Variants in CFI observed in about 807,000 individuals in gnomAD.
The protein encoded by CFI is complement factor I.
In CFI, 66 loss-of-function variants were observed where a neutral mutation model predicts 78.8. The observed-to-expected ratio is 0.84, with a 90% CI of 0.69 to 1.03. CFI has a LOEUF of 1.03. Ranked by LOEUF, CFI falls within the 50% of genes least tolerant of loss-of-function variation. CFI has a pLI of 0.00. For missense variants in CFI, 706 were observed against 704.5 expected, an observed-to-expected ratio of 1.00 and a Z score of -0.02; for synonymous variants, 250 against 232.6, an observed-to-expected ratio of 1.07 and a Z score of -0.68.
chr4:109,787,852 T>C lies in CFI; in HGVS notation c.57+14063A>G, dbSNP rs1730937789. Among the ~76,000 whole-genome samples the C allele has an allele frequency of 4.6e-5, 7 of 152,038 alleles. No homozygotes were observed. In the South Asian group the frequency reaches 1.4e-3, roughly 31 times the overall value. ...ATAATGAATGTAAGATGGCTAAAAT[T>C]TTGTCTATTTTTTAAATTTTTAATA... On this transcript the variant is annotated intron_variant, in intron 1 of 12. Transcript: ENST00000394634.
intron 1 of CFI, among the ~76,000 whole-genome samples, chr4:109,770,842 C>A (rs1728494664): frequency 6.6e-6 from 1 of 152,094 alleles, no homozygotes; most frequent in Non-Finnish European, 1.5e-5. Context: ...GAAAGCTAAG[C>A]CCCACAGAAC....
rs111403504 is a variant in CFI at position 109,760,759 on chromosome 4, G to A, written c.659-123C>T. 598 of 703,996 alleles carry A rather than the reference G, an allele frequency of 8.5e-4. 2 individuals carry two copies. The highest frequency in any genetic ancestry group is 7.8e-3 in the African/African-American group (443 of 57,042). 43.6% of individuals were successfully genotyped at this position (703,996 alleles called of 1,614,324 possible). On this transcript the variant is annotated intron_variant, in intron 4 of 12. Transcript: ENST00000394634. ...TAAACTTCAAAAAAATGTATAAAAC[G>A]TATTGGTATTATCAACATAGTACAT...
intron 1 of CFI, among the ~76,000 whole-genome samples, chr4:109,801,623 GGTA>G (rs1732781058): frequency 6.6e-6 from 1 of 152,074 alleles, no homozygotes. Context: ...GGAGGAGCCT[GGTA>G]AATATTTTTG....
chr4:109,762,941 A>G (rs1561304220), intron 3 of CFI, among the ~76,000 whole-genome samples: 1 of 152,216 alleles, frequency 6.6e-6, no homozygotes, highest in Non-Finnish European at 1.5e-5. Context: ...ATCTACCAGT[A>G]GGTTGAACCA....
At chr4:109,783,370 G>A (rs1478544834) in intron 1 of CFI, among the ~76,000 whole-genome samples, 1 of 152,068 alleles carries the variant, frequency 6.6e-6, no homozygotes, top group East Asian at 1.9e-4. Flanking sequence ...TAGGGACATG[G>A]ATAGACAATT....
chr4:109,796,672 C>G (rs887238615), intron 1 of CFI, among the ~76,000 whole-genome samples: 3 of 152,108 alleles, frequency 2.0e-5, no homozygotes, highest in Non-Finnish European at 4.4e-5. Flanking sequence ...GTAGTGCACA[C>G]CTTTGGTCAT....
intron 1 of CFI, among the ~76,000 whole-genome samples, chr4:109,799,976 AC>A (rs1732555756): frequency 6.6e-6 from 1 of 152,104 alleles, no homozygotes; most frequent in Non-Finnish European, 1.5e-5. Flanking sequence ...GGTGCTATAA[AC>A]CTTTGACTGT....
downstream of CFI, among the ~76,000 whole-genome samples, chr4:109,739,656 G>A (rs2126176531): frequency 2.0e-5 from 3 of 152,244 alleles, 1 homozygote; most frequent in South Asian, 2.1e-4. Flanking sequence ...GTGTTCAGTG[G>A]CATATACTAA....
intron 1 of CFI, among the ~76,000 whole-genome samples, chr4:109,777,279 A>C (rs1157607201): frequency 6.6e-6 from 1 of 152,192 alleles, no homozygotes; most frequent in Non-Finnish European, 1.5e-5. Flanking sequence ...ATGGAGGAAG[A>C]TCTACCAAGA....
chr4:109,769,543 C>T (rs983152808), intron 1 of CFI, among the ~76,000 whole-genome samples: 1 of 152,114 alleles, frequency 6.6e-6, no homozygotes, highest in Non-Finnish European at 1.5e-5. Flanking sequence ...TGAGAACTAG[C>T]CTTGGCAAGG....
chr4:109,749,190 T>C (rs1724830708), intron 10 of CFI, 28 bp downstream of exon 10: 1 of 1,574,262 alleles, frequency 6.4e-7, no homozygotes. Flanking sequence ...TTTCGGGAAA[T>C]CTAAAATTTA....
downstream of CFI, among the ~76,000 whole-genome samples, chr4:109,738,318 C>T (rs1723490464): frequency 6.6e-6 from 1 of 151,832 alleles, no homozygotes; most frequent in South Asian, 2.1e-4. Context: ...TGCTATGTTG[C>T]CCAGGCTGGT....
At chr4:109,732,476 G>T in the CFI span, among the ~76,000 whole-genome samples, 1 of 152,192 alleles carries the variant, frequency 6.6e-6, no homozygotes, top group East Asian at 1.9e-4. Flanking sequence ...TAAATACCAG[G>T]GATCTGCACT....
intron 1 of CFI, among the ~76,000 whole-genome samples, chr4:109,788,665 T>C (rs943158540): frequency 1.3e-5 from 2 of 151,996 alleles, no homozygotes; most frequent in African/African-American, 4.8e-5. Context: ...TATAAGAAAA[T>C]TATTTTTAGT....
Position 109,766,610 on chromosome 4 carries a change from A to C in CFI, c.272T>G (p.Leu91Trp). Reference protein sequence around the residue: ...SFPTYCQQKSLECLHPGTKFL... With the variant: ...SFPTYCQQKSWECLHPGTKFL... ...CTTTGTCCCTGGATGAAGACATTCCAAACTCTTTTGTTGACAGTATGTTGG... is the reference window on the plus strand; with the variant it reads ...CTTTGTCCCTGGATGAAGACATTCCCAACTCTTTTGTTGACAGTATGTTGG... The change falls in exon 2 of 13, where the codon TTG becomes TGG. Residue 91 changes from leucine to tryptophan, a missense_variant. Physicochemically the swap from Leu to Trp is moderately conservative, Grantham distance 61. Transcript: ENST00000394634. 1 of 1,614,222 alleles carries C rather than the reference A, an allele frequency of 6.2e-7. No homozygotes were observed. Among genetic ancestry groups the C allele is most frequent in the Non-Finnish European group, 8.5e-7 (1 of 1,180,038 alleles).
At chr4:109,772,953 C>T (rs1728780477) in intron 1 of CFI, among the ~76,000 whole-genome samples, 1 of 152,142 alleles carries the variant, frequency 6.6e-6, no homozygotes, top group African/African-American at 2.4e-5. Flanking sequence ...TTTTCCTCTA[C>T]TTCTGGGAAA....
intron 1 of CFI, among the ~76,000 whole-genome samples, chr4:109,780,865 G>T (rs1729926088): frequency 6.6e-6 from 1 of 152,144 alleles, no homozygotes; most frequent in African/African-American, 2.4e-5. Context: ...GATGAAGCTA[G>T]AAACCATCAT....
At chr4:109,771,692 C>T (rs1728616988) in intron 1 of CFI, among the ~76,000 whole-genome samples, 2 of 104,376 alleles carry the variant, frequency 1.9e-5, no homozygotes, top group South Asian at 6.4e-4. Flanking sequence ...CCAGCCTGGG[C>T]AACACAGCAA....
Position 109,740,831 on chromosome 4 carries a change from T to C in CFI, c.*62A>G, listed in dbSNP as rs758286020. ...CTAGAGAATTATTAATTATACCGTT[T>C]TATTTCCATTAAATGGAACTCTTGA... On this transcript the variant is annotated 3_prime_UTR_variant, in exon 13 of 13. Transcript: ENST00000394634. The C allele has an allele frequency of 7.7e-6, 11 of 1,435,750 alleles. No individual in the cohort carries two copies. The highest frequency in any genetic ancestry group is 2.3e-5 in the South Asian group (2 of 86,996). The allele number at this position is 1,435,750 out of a possible 1,614,324, so 88.9% of individuals were successfully genotyped here. A position where few individuals can be genotyped will look rare whatever the true frequency, so the allele number is the denominator to read the frequency against.
Sources: allele counts gnomAD v4.1 joint callset (sites outside exome capture counted in the v4.1 genomes callset), GRCh38; gene constraint gnomAD v4.1.1; transcripts MANE v1.5; gene names NCBI Gene and HGNC (gene_info 2026-07-23, HGNC 2026-07-21).